USP34: variants seen among roughly 807,000 people sequenced by gnomAD.
USP34 encodes ubiquitin specific peptidase 34.
USP34 carries 70 observed loss-of-function variants against 460.3 expected under a neutral mutation model. The ratio of observed to expected loss-of-function variants is 0.15; its 90% confidence interval spans 0.13 to 0.19. The LOEUF is 0.19. USP34 is among the 10% of genes least tolerant of loss of function. The pLI is 1.00. For missense variants in USP34, 3,985 were observed against 4,236.2 expected (o/e 0.94, Z 1.65); for synonymous variants, 1,647 against 1,405.3 (o/e 1.17, Z -3.85).
intron 20 of USP34, among the ~76,000 whole-genome samples, chr2:61,329,267 C>G (rs760060575): frequency 2.0e-5 from 3 of 151,942 alleles, no homozygotes; most frequent in Non-Finnish European, 4.4e-5. Flanking sequence ...CTCAGGTGAT[C>G]TGCCTGCCTC....
chr2:61,447,865 G>A (rs375414480), intron 1 of USP34, among the ~76,000 whole-genome samples: 25 of 152,132 alleles, frequency 1.6e-4, no homozygotes, highest in East Asian at 1.6e-3. Flanking sequence ...GCAGGTGCGC[G>A]CCACCACACC....
intron 4 of USP34, 80 bp from the exon 5 acceptor site, chr2:61,395,082 T>A: frequency 6.8e-7 from 1 of 1,473,794 alleles, no homozygotes; most frequent in Non-Finnish European, 9.1e-7. Flanking sequence ...AAGATACTGA[T>A]GAGAAACTCA....
intron 74 of USP34, among the ~76,000 whole-genome samples, chr2:61,203,864 A>G (rs1392705716): frequency 6.6e-6 from 1 of 151,970 alleles, no homozygotes; most frequent in Non-Finnish European, 1.5e-5. Flanking sequence ...ATCAATCAAT[A>G]TTATGCTTAG....
At chr2:61,329,135 C>T (rs1246327308) in intron 20 of USP34, among the ~76,000 whole-genome samples, 1 of 152,150 alleles carries the variant, frequency 6.6e-6, no homozygotes. Context: ...GGTTCTCCTG[C>T]CTCAGCCGCC....
In USP34 at chr2:61,302,303, A is replaced by G. The variant is rs563523908; in HGVS notation, c.3818-849T>C. On this transcript the variant is annotated intron_variant, in intron 27 of 79. Transcript: ENST00000398571. ...GTGGGGTAAGGCTATCGCTTTTCAT[A>G]ATGACACATAACATTTTAAAATTAC... is the stretch of plus-strand genomic sequence containing the variant. 7.9e-5 allele frequency among the ~76,000 whole-genome samples: 12 copies of G among 152,364 alleles called. No individual in the cohort carries two copies. In the South Asian group the frequency reaches 2.5e-3, roughly 32 times the overall value.
At chr2:61,284,043 T>C (rs1006002700) in intron 35 of USP34, among the ~76,000 whole-genome samples, 4 of 152,128 alleles carry the variant, frequency 2.6e-5, no homozygotes, top group Admixed American at 1.3e-4. Flanking sequence ...TAAAAATATA[T>C]TGTATGTTTC....
At chr2:61,355,110 C>T (rs1692064823) in intron 10 of USP34, among the ~76,000 whole-genome samples, 1 of 152,136 alleles carries the variant, frequency 6.6e-6, no homozygotes, top group Non-Finnish European at 1.5e-5. Context: ...CACGAATATG[C>T]ATTAGTAATT....
At chr2:61,363,958 C>G (rs1451762801) in intron 10 of USP34, among the ~76,000 whole-genome samples, 4 of 152,148 alleles carry the variant, frequency 2.6e-5, no homozygotes, top group Non-Finnish European at 4.4e-5. Context: ...AACTTTGTAC[C>G]TATAAAATAA....
chr2:61,435,307 CAAAAAAAAA>C (rs59158283), intron 1 of USP34, among the ~76,000 whole-genome samples: 11 of 40,954 alleles, frequency 2.7e-4, no homozygotes, highest in East Asian at 7.5e-4. Flanking sequence ...GACCTTGTTT[CAAAAAAAAA>C]AAAAAAAAAA....
In USP34 at chr2:61,278,454, A is replaced by G; in HGVS notation, c.5257-11T>C. 6.7e-7 allele frequency: 1 copy of G among 1,503,592 alleles called. No individual in the cohort carries two copies. Among genetic ancestry groups the G allele is most frequent in the Non-Finnish European group, 8.9e-7 (1 of 1,128,122 alleles). The allele number at this position is 1,503,592 out of a possible 1,614,324, so 93.1% of individuals were successfully genotyped here. A position where few individuals can be genotyped will look rare whatever the true frequency, so the allele number is the denominator to read the frequency against. On this transcript the variant is annotated splice_polypyrimidine_tract_variant and intron_variant, in intron 39 of 79. Transcript: ENST00000398571. ...GTCGAGGAGCGTTGTCTTAATACAA[A>G]AAGAAAATAAAAATTCAAATATAAA...
intron 57 of USP34, among the ~76,000 whole-genome samples, chr2:61,232,891 G>A (rs1407853786): frequency 3.4e-5 from 3 of 88,188 alleles, no homozygotes; most frequent in African/African-American, 1.4e-4. Context: ...TTTTTTTTGA[G>A]ACAGATCTTG....
intron 1 of USP34, among the ~76,000 whole-genome samples, chr2:61,431,670 T>C (rs1378182882): frequency 6.6e-6 from 1 of 151,758 alleles, no homozygotes; most frequent in African/African-American, 2.4e-5. Flanking sequence ...GCCTGGCCAA[T>C]CTGGTGAAAC....
In USP34 at chr2:61,188,989, C is replaced by T. The variant is rs771689109; in HGVS notation, c.9954G>A (p.Glu3318=). 1.2e-6 allele frequency: 2 copies of T among 1,614,158 alleles called. No individual in the cohort carries two copies. The highest frequency in any genetic ancestry group is 1.7e-6 in the Non-Finnish European group (2 of 1,180,038). Residue 3318 remains glutamate (E), a synonymous_variant, in exon 79 of 80, where the codon GAG becomes GAA. Coordinates refer to ENST00000398571, the MANE Select transcript of USP34 (RefSeq NM_014709.4). ...GACAAGTCCTGCATTTGCTTAAAAG[C>T]TCTTGCAGAGTTGGAATTAGAGCTG... ...LNPALIPTLQ[E]LLSKCRTCLQ...
At chr2:61,296,714 A>G in intron 30 of USP34, 86 bp downstream of exon 30, 2 of 1,361,446 alleles carry the variant, frequency 1.5e-6, no homozygotes, top group Non-Finnish European at 2.0e-6. Flanking sequence ...TACTGAGGGT[A>G]CATCAACAGG....
At chr2:61,330,394 C>T (rs1034870150) in intron 20 of USP34, among the ~76,000 whole-genome samples, 3 of 152,130 alleles carry the variant, frequency 2.0e-5, no homozygotes, top group African/African-American at 7.2e-5. Flanking sequence ...GGGAGGATAG[C>T]TGCACCCTAA....
At chr2:61,420,890 A>G (rs937028347) in intron 1 of USP34, 57 bp from the exon 2 acceptor site, 26 of 1,295,398 alleles carry the variant, frequency 2.0e-5, no homozygotes, top group Non-Finnish European at 2.7e-5. Flanking sequence ...TATTAAAGCC[A>G]ACAGTTCAAA....
Position 61,378,441 on chromosome 2 carries a change from G to T in USP34, c.1015-17C>A. On this transcript the variant is annotated splice_polypyrimidine_tract_variant and intron_variant, in intron 7 of 79. Transcript: ENST00000398571. ...GAGTTGATTCTATGATTAAAGACAA[G>T]AAATTAAGGGTTTTTATTTCCAAAA... 6.4e-7 allele frequency: 1 copy of T among 1,558,332 alleles called. No homozygotes were observed. Among genetic ancestry groups the T allele is most frequent in the Non-Finnish European group, 8.7e-7 (1 of 1,154,546 alleles).
rs540966645 is a variant in USP34 at position 61,468,616 on chromosome 2, C to G, written c.43+2034G>C. ...ACTGGCTTACACACAAATAGAAAAT[C>G]CTTACTTGTTCATTAGAACAGGTTT... On this transcript the variant is annotated intron_variant, in intron 1 of 79. Coordinates refer to ENST00000398571, the MANE Select transcript of USP34 (RefSeq NM_014709.4). 7.2e-5 allele frequency among the ~76,000 whole-genome samples: 11 copies of G among 152,288 alleles called. 1 individual carries two copies. Among genetic ancestry groups the G allele is most frequent in the Middle Eastern group, 3.4e-3 (1 of 294 alleles).
chr2:61,454,361 T>C (rs1695370450), intron 1 of USP34, among the ~76,000 whole-genome samples: 1 of 152,194 alleles, frequency 6.6e-6, no homozygotes. Flanking sequence ...TGACCTCAAG[T>C]GATCCACCTG....
Sources: allele counts gnomAD v4.1 joint callset (sites outside exome capture counted in the v4.1 genomes callset), GRCh38; gene constraint gnomAD v4.1.1; transcripts MANE v1.5; gene names NCBI Gene and HGNC (gene_info 2026-07-23, HGNC 2026-07-21).